SCHIP1: variants seen among roughly 807,000 people sequenced by gnomAD.
SCHIP1 encodes schwannomin interacting protein 1.
In SCHIP1, 8 loss-of-function variants were observed where a neutral mutation model predicts 29.7. That is an observed-to-expected ratio of 0.27 (90% CI 0.16 to 0.49). The LOEUF (loss-of-function observed/expected upper bound fraction) is 0.49, where lower values mean the gene tolerates loss of function less well. Ranked by LOEUF, SCHIP1 falls within the 20% of genes least tolerant of loss-of-function variation. The pLI is 0.99. For missense variants in SCHIP1, 193 were observed against 294.6 expected (o/e 0.66, Z 2.52); for synonymous variants, 76 against 94.9 (o/e 0.80, Z 1.16).
chr3:159,550,045 T>A, the SCHIP1 span, among the ~76,000 whole-genome samples: 1 of 73,252 alleles, frequency 1.4e-5, no homozygotes, highest in East Asian at 4.2e-4. Flanking sequence ...GTTCCATTAA[T>A]TTCTGTTTTT....
the SCHIP1 span, among the ~76,000 whole-genome samples, chr3:159,717,039 C>G: frequency 6.6e-6 from 1 of 152,212 alleles, no homozygotes; most frequent in African/African-American, 2.4e-5. Context: ...CAAACTGTCT[C>G]TCAGACCACA....
At chr3:159,328,102 C>G in the SCHIP1 span, among the ~76,000 whole-genome samples, 10 of 152,136 alleles carry the variant, frequency 6.6e-5, no homozygotes, top group African/African-American at 2.4e-4. Flanking sequence ...AGTCATTAGC[C>G]ACATGTGCCT....
At chr3:159,346,281 T>TAAAA in the SCHIP1 span, among the ~76,000 whole-genome samples, 1 of 125,458 alleles carries the variant, frequency 8.0e-6, no homozygotes, top group Non-Finnish European at 1.7e-5. Context: ...TTTTTTTTCT[T>TAAAA]AAAAAAAAAA....
chr3:159,630,968 T>G, the SCHIP1 span, among the ~76,000 whole-genome samples: 1 of 152,044 alleles, frequency 6.6e-6, no homozygotes, highest in African/African-American at 2.4e-5. Flanking sequence ...TCACCCAAAG[T>G]TGAATTACAA....
At chr3:159,570,040 T>C in the SCHIP1 span, among the ~76,000 whole-genome samples, 1 of 152,194 alleles carries the variant, frequency 6.6e-6, no homozygotes, top group Non-Finnish European at 1.5e-5. Flanking sequence ...ATTCTGGATA[T>C]TAGCCCTTTG....
the SCHIP1 span, among the ~76,000 whole-genome samples, chr3:159,473,110 C>G: frequency 6.6e-6 from 1 of 152,164 alleles, no homozygotes; most frequent in African/African-American, 2.4e-5. Flanking sequence ...CCATATGAAA[C>G]AGTTATAACA....
chr3:159,596,201 C>T, the SCHIP1 span, among the ~76,000 whole-genome samples: 4 of 152,190 alleles, frequency 2.6e-5, no homozygotes, highest in Admixed American at 2.6e-4. Context: ...TGGAAAAATG[C>T]TCACCATCAC....
chr3:159,316,919 C>T, the SCHIP1 span, among the ~76,000 whole-genome samples: 10 of 152,210 alleles, frequency 6.6e-5, no homozygotes, highest in African/African-American at 1.9e-4. Flanking sequence ...CAGCTGGTCA[C>T]GTGGCTGTAG....
the SCHIP1 span, among the ~76,000 whole-genome samples, chr3:159,532,478 G>T: frequency 6.6e-6 from 1 of 151,900 alleles, no homozygotes; most frequent in Admixed American, 6.6e-5. Flanking sequence ...GCTTTGTCAT[G>T]ATTTTCTATG....
At chr3:159,736,949 T>G in the SCHIP1 span, among the ~76,000 whole-genome samples, 1 of 152,050 alleles carries the variant, frequency 6.6e-6, no homozygotes, top group African/African-American at 2.4e-5. Context: ...TTAGCCAGGA[T>G]GGTCTCTATC....
the SCHIP1 span, among the ~76,000 whole-genome samples, chr3:159,314,114 G>C: frequency 0.11 from 17,126 of 152,162 alleles, 1,100 homozygotes; most frequent in Middle Eastern, 0.15. Flanking sequence ...GATATTCAGG[G>C]AGATAGTTTG....
the SCHIP1 span, among the ~76,000 whole-genome samples, chr3:159,662,220 C>T: frequency 6.6e-6 from 1 of 152,180 alleles, no homozygotes; most frequent in Non-Finnish European, 1.5e-5. Flanking sequence ...CAACCCTAGA[C>T]AATAGGGGAA....
the SCHIP1 span, among the ~76,000 whole-genome samples, chr3:159,300,113 C>CTTTTTTTTTTTTTTTT: frequency 2.2e-3 from 100 of 45,380 alleles, 24 homozygotes; most frequent in Non-Finnish European, 3.1e-3. Context: ...GGGAAAGCTG[C>CTTTTTTTTTTTTTTTT]TTTTTTTTTT....
At chr3:159,463,743 T>G in the SCHIP1 span, among the ~76,000 whole-genome samples, 3 of 150,790 alleles carry the variant, frequency 2.0e-5, no homozygotes, top group South Asian at 6.3e-4. Flanking sequence ...CAGAATGAGA[T>G]ATATATATAT....
chr3:159,694,113 A>G, the SCHIP1 span, among the ~76,000 whole-genome samples: 1 of 152,176 alleles, frequency 6.6e-6, no homozygotes, highest in Non-Finnish European at 1.5e-5. Flanking sequence ...ATCATGATCT[A>G]CTTAACATTT....
chr3:159,449,494 G>T, the SCHIP1 span, among the ~76,000 whole-genome samples: 2 of 152,146 alleles, frequency 1.3e-5, no homozygotes, highest in Admixed American at 6.5e-5. Context: ...CAATAATGAA[G>T]AAAAATACCC....
At chr3:159,784,024 G>A in the SCHIP1 span, among the ~76,000 whole-genome samples, 8 of 152,298 alleles carry the variant, frequency 5.3e-5, no homozygotes, top group South Asian at 2.1e-4. Context: ...GGTCCAAGGA[G>A]GTTAGAGAAA....
intron 2 of SCHIP1, among the ~76,000 whole-genome samples, chr3:159,882,274 G>A (rs549486292): frequency 4.6e-5 from 7 of 152,312 alleles, no homozygotes; most frequent in East Asian, 1.9e-4. Context: ...GGGAGAGAAT[G>A]TAAGTGAACA....
At chr3:159,649,374 A>C in the SCHIP1 span, among the ~76,000 whole-genome samples, 2 of 152,344 alleles carry the variant, frequency 1.3e-5, no homozygotes, top group Non-Finnish European at 2.9e-5. Context: ...ATTCAAATTT[A>C]TAATAAACAA....
Sources: gnomAD v4.1 joint callset for allele counts (sites outside exome capture counted in the v4.1 genomes callset) on GRCh38, gnomAD v4.1.1 for gene constraint, MANE v1.5 for transcripts, NCBI Gene and HGNC (gene_info 2026-07-23, HGNC 2026-07-21) for gene names.